THSD4: variants seen among roughly 807,000 people sequenced by gnomAD.
THSD4 encodes the protein thrombospondin type 1 domain containing 4, also known as thrombospondin type-1 domain-containing protein 4.
THSD4 carries 69 observed loss-of-function variants against 119.0 expected under a neutral mutation model. That is an observed-to-expected ratio of 0.58 (90% CI 0.48 to 0.71). The LOEUF (loss-of-function observed/expected upper bound fraction) is 0.71, where lower values mean the gene tolerates loss of function less well. THSD4 is among the 30% of genes least tolerant of loss of function. THSD4 has a pLI of 0.00. For missense variants in THSD4, 1,393 were observed against 1,391.1 expected, an observed-to-expected ratio of 1.00 and a Z score of -0.02; for synonymous variants, 524 against 540.4, an observed-to-expected ratio of 0.97 and a Z score of 0.42.
At chr15:71,099,864 G>C (rs2040247029) in intron 1 of THSD4, among the ~76,000 whole-genome samples, 1 of 152,146 alleles carries the variant, frequency 6.6e-6, no homozygotes, top group Non-Finnish European at 1.5e-5. Context: ...GGAGGCAGAG[G>C]TGGAAGAATC....
chr15:71,442,126 T>C (rs1445575825), intron 7 of THSD4, among the ~76,000 whole-genome samples: 1 of 151,898 alleles, frequency 6.6e-6, no homozygotes, highest in Non-Finnish European at 1.5e-5. Context: ...ACCCAGCTAA[T>C]TTTTTTGTAT....
At chr15:71,588,558 G>T (rs892403704) in intron 7 of THSD4, among the ~76,000 whole-genome samples, 5 of 151,956 alleles carry the variant, frequency 3.3e-5, no homozygotes, top group African/African-American at 1.2e-4. Context: ...CTAGTAGCTG[G>T]AACTACAGGC....
chr15:71,135,492 C>A (rs372206668), intron 1 of THSD4, among the ~76,000 whole-genome samples: 1 of 150,926 alleles, frequency 6.6e-6, no homozygotes, highest in Admixed American at 6.6e-5. Context: ...TCTCTTTCAA[C>A]TTCTAGACTC....
intron 1 of THSD4, among the ~76,000 whole-genome samples, chr15:71,123,170 C>G (rs952251476): frequency 1.3e-4 from 20 of 152,186 alleles, no homozygotes; most frequent in Non-Finnish European, 1.5e-4. Flanking sequence ...CCACAGAGGT[C>G]TCTTGGAGTG....
chr15:71,578,673 C>CTTCTTAAGTGTACTCTTCTTAAGTT (rs2049501449), intron 7 of THSD4, among the ~76,000 whole-genome samples: 1 of 151,724 alleles, frequency 6.6e-6, no homozygotes, highest in Admixed American at 6.6e-5. Flanking sequence ...CTTAAGTGGC[C>CTTCTTAAGTGTACTCTTCTTAAGTT]TACGACGAGC....
chr15:71,185,536 T>C (rs1483221919), intron 3 of THSD4: 1 of 147,188 alleles, frequency 6.8e-6, no homozygotes, highest in Non-Finnish European at 1.5e-5. Flanking sequence ...CAACAATATC[T>C]GTAGAAAGCA....
At chr15:71,547,601 A>C in intron 7 of THSD4, 1 of 1,168,128 alleles carries the variant, frequency 8.6e-7, no homozygotes, top group Non-Finnish European at 1.2e-6. Flanking sequence ...GTAATGCTTT[A>C]TATTACTTTT....
chr15:71,584,793 C>G (rs2049632113), intron 7 of THSD4, among the ~76,000 whole-genome samples: 1 of 151,800 alleles, frequency 6.6e-6, no homozygotes, highest in Non-Finnish European at 1.5e-5. Context: ...TCTAGATGTC[C>G]TCATTTGCAA....
intron 6 of THSD4, among the ~76,000 whole-genome samples, chr15:71,294,082 T>C (rs1278088162): frequency 2.6e-5 from 4 of 152,196 alleles, no homozygotes; most frequent in South Asian, 4.1e-4. Flanking sequence ...GCTCCTTCTG[T>C]TCTCATTTAT....
chr15:71,677,570 T>C (rs1425120822), intron 8 of THSD4, among the ~76,000 whole-genome samples: 1 of 152,232 alleles, frequency 6.6e-6, no homozygotes, highest in East Asian at 1.9e-4. Context: ...TCCTTGCATC[T>C]GTTTACAGGG....
chr15:71,732,784 A>G (rs755098629), intron 10 of THSD4: 1 of 152,222 alleles, frequency 6.6e-6, no homozygotes, highest in African/African-American at 2.4e-5. Context: ...TGCTTGTTAT[A>G]TCACTGAGAG....
At chr15:71,367,113 T>C (rs893506422) in intron 6 of THSD4, among the ~76,000 whole-genome samples, 1 of 152,204 alleles carries the variant, frequency 6.6e-6, no homozygotes, top group African/African-American at 2.4e-5. Flanking sequence ...TTCCACTATT[T>C]TTAGAACACA....
chr15:71,340,382 A>C (rs2045549978), intron 6 of THSD4, among the ~76,000 whole-genome samples: 1 of 152,216 alleles, frequency 6.6e-6, no homozygotes, highest in African/African-American at 2.4e-5. Context: ...ATGGGAGCTT[A>C]GACCCGGTGC....
At chr15:71,379,069 C>T (rs1254250458) in intron 6 of THSD4, among the ~76,000 whole-genome samples, 1 of 152,210 alleles carries the variant, frequency 6.6e-6, no homozygotes, top group Non-Finnish European at 1.5e-5. Context: ...TAGGCATGAG[C>T]CACCATGCCC....
At chr15:71,777,104 T>G (rs889420146) in intron 17 of THSD4, 128 bp from the exon 18 acceptor site, 2 of 1,076,162 alleles carry the variant, frequency 1.9e-6, no homozygotes, top group African/African-American at 3.1e-5. Flanking sequence ...TGGCACACAT[T>G]CATACCCCAC....
intron 2 of THSD4, among the ~76,000 whole-genome samples, chr15:71,142,253 C>T (rs1486553031): frequency 1.3e-5 from 2 of 151,818 alleles, no homozygotes; most frequent in Admixed American, 6.5e-5. Flanking sequence ...TGAGTAAGTA[C>T]TATTATCCCT....
intron 7 of THSD4, among the ~76,000 whole-genome samples, chr15:71,423,185 T>C (rs2046829823): frequency 6.6e-6 from 1 of 152,126 alleles, no homozygotes; most frequent in South Asian, 2.1e-4. Context: ...TGTACTCCAC[T>C]ATGGCCAAAC....
chr15:71,442,608 G>A (rs967384141), intron 7 of THSD4, among the ~76,000 whole-genome samples: 6,955 of 38,334 alleles, frequency 0.18, 1,428 homozygotes, highest in Non-Finnish European at 0.25. Context: ...ATATGTGTGT[G>A]TGTGTGTGTG....
intron 6 of THSD4, among the ~76,000 whole-genome samples, chr15:71,322,024 C>CT (rs946025524): frequency 6.8e-6 from 1 of 148,072 alleles, no homozygotes; most frequent in African/African-American, 2.5e-5. Flanking sequence ...ATCACATGGA[C>CT]TTAAAAAAAA....
Sources: gnomAD v4.1 joint callset for allele counts (sites outside exome capture counted in the v4.1 genomes callset) on GRCh38, gnomAD v4.1.1 for gene constraint, MANE v1.5 for transcripts, NCBI Gene and HGNC (gene_info 2026-07-23, HGNC 2026-07-21) for gene names.